Variants in ANKH observed in about 807,000 individuals in gnomAD.
ANKH encodes ANKH inorganic pyrophosphate transport regulator, also known as mineralization regulator ANKH.
A neutral mutation model predicts 49.0 loss-of-function variants in ANKH; 15 were observed. The observed-to-expected ratio is 0.31, with a 90% confidence interval of 0.20 to 0.47. The LOEUF is 0.47. Among genes scored for constraint, ANKH ranks in the 20% least tolerant of loss-of-function variants. ANKH has a pLI of 1.00. For missense variants in ANKH, 429 were observed against 652.0 expected (o/e 0.66, Z 3.72); for synonymous variants, 273 against 260.0 (o/e 1.05, Z -0.48).
chr5:14,730,551 C>T (rs770934476), intron 8 of ANKH, among the ~76,000 whole-genome samples: 44 of 152,140 alleles, frequency 2.9e-4, no homozygotes, highest in Non-Finnish European at 5.9e-4. Context: ...GACAGCAAAA[C>T]GTGCATCCAT....
intron 3 of ANKH, among the ~76,000 whole-genome samples, chr5:14,758,144 G>C (rs1015309111): frequency 5.9e-5 from 9 of 152,224 alleles, no homozygotes; most frequent in African/African-American, 2.2e-4. Context: ...AAACTCTGAA[G>C]ACACGCTCAG....
chr5:14,749,090 G>A (rs758810192), intron 6 of ANKH, 82 bp downstream of exon 6: 467 of 1,587,790 alleles, frequency 2.9e-4, no homozygotes, highest in Non-Finnish European at 3.6e-4. Context: ...TTGAGCTCTC[G>A]AGAAGAACTG....
intron 1 of ANKH, chr5:14,870,879 CT>C: frequency 8.7e-6 from 3 of 344,434 alleles, no homozygotes; most frequent in Non-Finnish European, 5.7e-6. Flanking sequence ...CGGGATACCC[CT>C]AATCCTTACC....
intron 1 of ANKH, among the ~76,000 whole-genome samples, chr5:14,825,554 T>C (rs955716571): frequency 6.6e-6 from 1 of 152,184 alleles, no homozygotes; most frequent in Non-Finnish European, 1.5e-5. Context: ...GATCTCACTA[T>C]GTTGCCCAGG....
At position 14,784,902 on chromosome 5, in the gene ANKH, G is replaced by A. The variant is rs1324378348; in HGVS notation, c.97-15711C>T. On this transcript the variant is annotated intron_variant, in intron 1 of 11. Transcript: ENST00000284268. ...TACAACCCCCAATCAAGGCTCCAAC[G>A]ACTCTGGACAGAGGAATATTTGAGA... Among the ~76,000 whole-genome samples the A allele has an allele frequency of 3.2e-5, 4 of 123,262 alleles. No individual in the cohort carries two copies. The East Asian group carries it at 1.1e-3, about 35-fold the overall frequency. The allele number at this position is 123,262 out of a possible 152,430, so 80.9% of individuals were successfully genotyped here.
intron 8 of ANKH, among the ~76,000 whole-genome samples, chr5:14,719,233 A>T (rs1473013752): frequency 6.6e-6 from 1 of 152,230 alleles, no homozygotes; most frequent in African/African-American, 2.4e-5. Context: ...AAGGCGGATG[A>T]TTTCTACCCT....
rs574423329 is a variant in ANKH, at chr5:14,795,423, C to T, written c.97-26232G>A. ...AATACGTTGTGGTTCTTAAACTCAT[C>T]TTAAGTTAAAATAATCCCCAAATCA... On this transcript the variant is annotated intron_variant, in intron 1 of 11. Transcript: ENST00000284268. Among the ~76,000 whole-genome samples the T allele has an allele frequency of 2.6e-5, 4 of 152,282 alleles. No homozygotes were observed. In the East Asian group the frequency reaches 7.7e-4, roughly 29 times the overall value.
At chr5:14,717,659 G>A (rs1354948876) in intron 8 of ANKH, among the ~76,000 whole-genome samples, 1 of 152,228 alleles carries the variant, frequency 6.6e-6, no homozygotes, top group Non-Finnish European at 1.5e-5. Flanking sequence ...GTTAGTCTCT[G>A]GATGAGGTAA....
At chr5:14,756,491 A>T (rs1738889280) in intron 3 of ANKH, among the ~76,000 whole-genome samples, 1 of 152,218 alleles carries the variant, frequency 6.6e-6, no homozygotes, top group Non-Finnish European at 1.5e-5. Context: ...GAGGAACAGC[A>T]GGTCTGGAGA....
chr5:14,825,706 G>A (rs927533395), intron 1 of ANKH, among the ~76,000 whole-genome samples: 81 of 152,092 alleles, frequency 5.3e-4, no homozygotes, highest in African/African-American at 1.9e-3. Flanking sequence ...GAAATCTATC[G>A]AATTGATAAA....
At chr5:14,786,753 G>T (rs1739989045) in intron 1 of ANKH, among the ~76,000 whole-genome samples, 1 of 152,324 alleles carries the variant, frequency 6.6e-6, no homozygotes, top group Middle Eastern at 3.4e-3. Flanking sequence ...TGTGGAAAAG[G>T]AATATATCAA....
In ANKH at chr5:14,737,758, T is replaced by C. The variant is rs1408021610; in HGVS notation, c.1011+4069A>G. ...GCTTCCCTTCACCCCAAACAGCTGC[T>C]TGTCAGTCAGCAGGCGCCTTGCTAA... is the stretch of plus-strand genomic sequence containing the variant. On this transcript the variant is annotated intron_variant, in intron 8 of 11. Transcript: ENST00000284268. This position sits in a 1 kb window ranked among gnomAD's most constrained non-coding sequence, Gnocchi z 5.0. 1.3e-5 allele frequency among the ~76,000 whole-genome samples: 2 copies of C among 152,262 alleles called. No individual in the cohort carries two copies. Among genetic ancestry groups the C allele is most frequent in the African/African-American group, 4.8e-5 (2 of 41,470 alleles).
chr5:14,815,580 C>T (rs1388067783), intron 1 of ANKH, among the ~76,000 whole-genome samples: 1 of 152,212 alleles, frequency 6.6e-6, no homozygotes, highest in African/African-American at 2.4e-5. Context: ...TTCCCCAGTG[C>T]TGTGCTAGTT....
intron 8 of ANKH, among the ~76,000 whole-genome samples, chr5:14,724,975 C>CTAT (rs1267907407): frequency 6.6e-6 from 1 of 152,086 alleles, no homozygotes. Flanking sequence ...AAAAGTCAAA[C>CTAT]ATATGCAGCT....
intron 9 of ANKH, 117 bp downstream of exon 9, chr5:14,716,589 A>G (rs1421631633): frequency 1.4e-6 from 2 of 1,412,288 alleles, no homozygotes; most frequent in African/African-American, 2.9e-5. Context: ...GCATCTTTCT[A>G]AGCCACAGTG....
At chr5:14,871,255 G>C in intron 1 of ANKH, 97 bp downstream of exon 1, 1 of 1,051,444 alleles carries the variant, frequency 9.5e-7, no homozygotes, top group Non-Finnish European at 1.4e-6. Flanking sequence ...TCAGGATAAA[G>C]AGGGACTCGG....
chr5:14,744,109 T>G (rs557288849), intron 7 of ANKH, among the ~76,000 whole-genome samples: 104 of 152,308 alleles, frequency 6.8e-4, no homozygotes, highest in African/African-American at 2.3e-3. Flanking sequence ...TGCCTTGAAA[T>G]GAAAACAATG....
At chr5:14,780,700 A>C (rs1175582975) in intron 1 of ANKH, among the ~76,000 whole-genome samples, 1 of 152,232 alleles carries the variant, frequency 6.6e-6, no homozygotes, top group Non-Finnish European at 1.5e-5. Context: ...ACTTTCAGTA[A>C]GATGAATACT....
chr5:14,745,847 C>T lies in ANKH; in HGVS notation c.915+23G>A. ...AGTCATTTCAAAAGCATGTTTCAGA[C>T]ACGACACCGCACGGGTTCTCACCTT... On this transcript the variant is annotated intron_variant, in intron 7 of 11. Coordinates refer to ENST00000284268, the MANE Select transcript of ANKH (RefSeq NM_054027.6). The surrounding 1 kb of genome is among the most constrained non-coding windows in gnomAD (Gnocchi z 4.7). 1.2e-6 allele frequency: 2 copies of T among 1,610,768 alleles called. No homozygotes were observed. Among genetic ancestry groups the T allele is most frequent in the Non-Finnish European group, 1.7e-6 (2 of 1,176,960 alleles).
Sources: gnomAD v4.1 joint callset for allele counts (sites outside exome capture counted in the v4.1 genomes callset) on GRCh38, gnomAD v4.1.1 for gene constraint, Gnocchi (gnomAD v3.1) non-coding constraint, MANE v1.5 for transcripts, NCBI Gene and HGNC (gene_info 2026-07-23, HGNC 2026-07-21) for gene names.